The following PKD1L3 variants were observed in gnomAD, a reference collection of about 807,000 sequenced individuals.
PKD1L3 encodes polycystin 1 like 3, transient receptor potential channel interacting, also known as polycystin-1-like protein 3.
A neutral mutation model predicts 184.1 loss-of-function variants in PKD1L3; 239 were observed. The ratio of observed to expected loss-of-function variants is 1.30; its 90% CI spans 1.17 to 1.45. The LOEUF (loss-of-function observed/expected upper bound fraction) is 1.45. PKD1L3 is among the 40% of genes most tolerant of loss of function. The probability of loss-of-function intolerance (pLI) is 0.00; values close to 1 mark genes in which losing one functional copy is unlikely to be tolerated. For missense variants in PKD1L3, 2,660 were observed against 2,067.2 expected, an observed-to-expected ratio of 1.29 and a Z score of -5.56; for synonymous variants, 996 against 778.8, an observed-to-expected ratio of 1.28 and a Z score of -4.64.
intron 3 of PKD1L3, 61 bp downstream of exon 3, chr16:71,993,155 A>G (rs2040655388): frequency 8.3e-7 from 1 of 1,201,210 alleles, no homozygotes; most frequent in Non-Finnish European, 1.2e-6. Context: ...AGTCTTGTGC[A>G]TTCTTTTAGC....
chr16:71,982,181 A>G lies in PKD1L3; in HGVS notation c.1021T>C (p.Phe341Leu), dbSNP rs368518772. ...AAGCCCAGACTGTTGTTGTTCTGAA[A>G]TGGGATCCTGAGTAACTCCTCACTC... ...YLSEELLRIP[F>L]QNNNSLGFKV... Residue 341 changes from phenylalanine to leucine, a missense_variant, in exon 7 of 30, where the codon TTT (phenylalanine) becomes CTT (leucine). By Grantham distance (22) the Phe-to-Leu change is conservative. Coordinates refer to ENST00000620267, the MANE Select transcript of PKD1L3 (RefSeq NM_181536.2). 2.6e-6 allele frequency: 4 copies of G among 1,550,324 alleles called. No homozygotes were observed. The African/African-American group carries it at 5.5e-5, about 21-fold the overall frequency.
At chr16:71,983,693 C>T (rs1236483129) in intron 6 of PKD1L3, among the ~76,000 whole-genome samples, 2 of 66,886 alleles carry the variant, frequency 3.0e-5, no homozygotes, top group African/African-American at 1.1e-4. Context: ...TTTGGAGACA[C>T]AGTCTCTCAG....
At chr16:71,939,974 C>T (rs192754830) in intron 24 of PKD1L3, among the ~76,000 whole-genome samples, 1 of 152,082 alleles carries the variant, frequency 6.6e-6, no homozygotes, top group South Asian at 2.1e-4. Context: ...TTCAAGAAAG[C>T]TGAAATCTAA....
chr16:71,971,724 C>T (rs887063856), intron 12 of PKD1L3, among the ~76,000 whole-genome samples: 9 of 152,184 alleles, frequency 5.9e-5, no homozygotes, highest in Admixed American at 4.6e-4. Flanking sequence ...TTTTAACAAA[C>T]TGATTATAGA....
At chr16:71,932,545 C>T (rs1316238395) in intron 28 of PKD1L3, among the ~76,000 whole-genome samples, 1 of 152,080 alleles carries the variant, frequency 6.6e-6, no homozygotes, top group East Asian at 1.9e-4. Context: ...ACAATCTCAG[C>T]TCACTGCAAC....
At chr16:71,936,896 G>C (rs973517230) in intron 25 of PKD1L3, among the ~76,000 whole-genome samples, 1 of 152,104 alleles carries the variant, frequency 6.6e-6, no homozygotes, top group South Asian at 2.1e-4. Flanking sequence ...CTGAAAAATT[G>C]AAAGAGCCAA....
chr16:71,963,376 A>G (rs2143535221), intron 15 of PKD1L3, 25 bp from the exon 16 acceptor site: 2 of 1,526,966 alleles, frequency 1.3e-6, no homozygotes, highest in African/African-American at 1.4e-5. Context: ...AGATAACCAC[A>G]TTAGGGAGAT....
chr16:71,950,280 C>A lies in PKD1L3; in HGVS notation c.3221G>T (p.Cys1074Phe). 6.5e-6 allele frequency: 10 copies of A among 1,535,198 alleles called. No homozygotes were observed. Among genetic ancestry groups the A allele is most frequent in the Non-Finnish European group, 8.8e-6 (10 of 1,137,572 alleles). ...CCTCTGCAGAACTCTATGCAGGTAA[C>A]AGCAGAAATGATGGTGGTTTTCAGG... The part of the protein sequence containing the change: ...VVPENHHHFC[C>F]YLHRVLQRLK... Residue 1074 changes from cysteine (C) to phenylalanine (F), a missense_variant, in exon 20 of 30, where the codon TGT (cysteine) becomes TTT (phenylalanine). By Grantham distance (205) the Cys-to-Phe change is radical. Coordinates refer to ENST00000620267, the MANE Select transcript of PKD1L3 (RefSeq NM_181536.2).
chr16:71,933,398 G>A (rs1432310029), intron 28 of PKD1L3, 22 bp downstream of exon 28: 1 of 1,499,884 alleles, frequency 6.7e-7, no homozygotes, highest in Non-Finnish European at 9.1e-7. Flanking sequence ...AATTCTGTGA[G>A]GAAACAAATT....
intron 10 of PKD1L3, 42 bp from the exon 11 acceptor site, chr16:71,977,509 T>C: frequency 7.0e-7 from 1 of 1,429,742 alleles, no homozygotes; most frequent in Non-Finnish European, 9.6e-7. Context: ...GTCCATCCAT[T>C]GATGTCTTTC....
At chr16:71,935,546 G>A (rs1464218543) in intron 25 of PKD1L3, 28 bp from the exon 26 acceptor site, 3 of 1,545,682 alleles carry the variant, frequency 1.9e-6, no homozygotes, top group Admixed American at 3.9e-5. Flanking sequence ...AGTCACTGTT[G>A]CTTGTCTGAG....
intron 9 of PKD1L3, 125 bp downstream of exon 9, chr16:71,979,661 A>C (rs2040072208): frequency 1.7e-6 from 2 of 1,176,976 alleles, no homozygotes; most frequent in Non-Finnish European, 2.2e-6. Flanking sequence ...AATGAATGCT[A>C]CATAAACTCT....
Position 71,943,037 on chromosome 16 carries a change from A to AG in PKD1L3, c.3860-14dup. ...AAGAGGATTTGTACTTGTTTAGAAG[A>AG]GGAAAAAAATGTCATAGTTGAGTGG... On this transcript the variant is annotated splice_polypyrimidine_tract_variant and intron_variant, in intron 23 of 29. Coordinates refer to ENST00000620267, the MANE Select transcript of PKD1L3 (RefSeq NM_181536.2). The AG allele has an allele frequency of 6.6e-7, 1 of 1,523,956 alleles. No homozygotes were observed. The highest frequency in any genetic ancestry group is 8.9e-7 in the Non-Finnish European group (1 of 1,126,302). The allele number at this position is 1,523,956 out of a possible 1,614,324, so 94.4% of individuals were successfully genotyped here.
chr16:71,945,048 G>T lies in PKD1L3; in HGVS notation c.3719-878C>A, dbSNP rs1012138693. Among the ~76,000 whole-genome samples the T allele has an allele frequency of 2.2e-5, 3 of 133,400 alleles. No homozygotes were observed. In the South Asian group the frequency reaches 8.3e-4, roughly 37 times the overall value. 87.5% of individuals were successfully genotyped at this position (133,400 alleles called of 152,430 possible). On this transcript the variant is annotated intron_variant, in intron 22 of 29. Transcript: ENST00000620267. Reference sequence around the variant, plus strand: ...GCCCTGTTTTTGATAATTAGATTTAGTACATATAAAGTTAATCTGCCAAAT... The same window carrying T: ...GCCCTGTTTTTGATAATTAGATTTATTACATATAAAGTTAATCTGCCAAAT...
At chr16:71,931,393 G>A (rs2037957362) in intron 28 of PKD1L3, among the ~76,000 whole-genome samples, 1 of 151,318 alleles carries the variant, frequency 6.6e-6, no homozygotes, top group African/African-American at 2.4e-5. Context: ...ATCTGAGGAT[G>A]CTTAAGTCCC....
chr16:71,979,973 A>T (rs1567540323), intron 8 of PKD1L3, 34 bp downstream of exon 8: 1 of 1,550,192 alleles, frequency 6.5e-7, no homozygotes, highest in African/African-American at 1.4e-5. Context: ...TGAAAAACAC[A>T]GTGAAACTCT....
chr16:71,987,100 T>C (rs9302634), intron 4 of PKD1L3, among the ~76,000 whole-genome samples: 19,592 of 150,704 alleles, frequency 0.13, 1,380 homozygotes, highest in African/African-American at 0.17. Flanking sequence ...AATTTTTGTA[T>C]TTTTAGTAGA....
chr16:71,986,073 A>G (rs2040349649), intron 5 of PKD1L3, 148 bp downstream of exon 5: 2 of 1,050,386 alleles, frequency 1.9e-6, no homozygotes, highest in Non-Finnish European at 2.7e-6. Flanking sequence ...GGCTGTTTCC[A>G]TGGACTTGTT....
In PKD1L3 at chr16:71,954,358, G is replaced by A. The variant is rs2038967686; in HGVS notation, c.2613-57C>T. On this transcript the variant is annotated intron_variant, in intron 16 of 29. Coordinates refer to ENST00000620267, the MANE Select transcript of PKD1L3 (RefSeq NM_181536.2). Reference sequence around the variant, plus strand: ...GAGATTTTATTCTGAAAGTGCACCAGTTTAAGATGTGATTTGCCCAGCAAC... The same window carrying A: ...GAGATTTTATTCTGAAAGTGCACCAATTTAAGATGTGATTTGCCCAGCAAC... 3.7e-6 allele frequency: 5 copies of A among 1,362,932 alleles called. No homozygotes were observed. In the South Asian group the frequency reaches 7.3e-5, roughly 20 times the overall value. 84.4% of individuals were successfully genotyped at this position (1,362,932 alleles called of 1,614,324 possible). A position where few individuals can be genotyped will look rare whatever the true frequency, so the allele number is the denominator to read the frequency against.
Sources: allele counts gnomAD v4.1 joint callset (sites outside exome capture counted in the v4.1 genomes callset), GRCh38; gene constraint gnomAD v4.1.1; transcripts MANE v1.5; gene names NCBI Gene and HGNC (gene_info 2026-07-23, HGNC 2026-07-21).